The following GLRA2 variants were observed in gnomAD, a reference collection of about 807,000 sequenced individuals.
GLRA2 encodes glycine receptor alpha 2, also known as glycine receptor subunit alpha-2.
A neutral mutation model predicts 31.6 loss-of-function variants in GLRA2; 11 were observed. The observed-to-expected ratio is 0.35, with a 90% CI of 0.22 to 0.58. GLRA2 has a LOEUF of 0.58. GLRA2 is among the 20% of genes least tolerant of loss of function. The pLI is 0.84. For missense variants in GLRA2, 212 were observed against 351.8 expected, an observed-to-expected ratio of 0.60 and a Z score of 3.18; for synonymous variants, 132 against 134.0, an observed-to-expected ratio of 0.99 and a Z score of 0.10.
intron 8 of GLRA2, among the ~76,000 whole-genome samples, chrX:14,691,497 C>T (rs897536589): frequency 9.0e-6 from 1 of 111,613 alleles, no homozygotes; most frequent in African/African-American, 3.3e-5. Context: ...TTACACTGTC[C>T]AGAGACTTCA....
At chrX:14,493,658 C>CATATATAT in the GLRA2 span, among the ~76,000 whole-genome samples, 1 of 94,374 alleles carries the variant, frequency 1.1e-5, no homozygotes. Flanking sequence ...TACATATGTA[C>CATATATAT]ACATATATAT....
chrX:14,567,197 G>A (rs1214668553), intron 2 of GLRA2, among the ~76,000 whole-genome samples: 1 of 111,404 alleles, frequency 9.0e-6, no homozygotes, highest in Non-Finnish European at 1.9e-5. Flanking sequence ...AAAAATCCTT[G>A]ACAAAATATT....
upstream of GLRA2, among the ~76,000 whole-genome samples, chrX:14,525,131 TTATTTTTTATATC>T (rs2146992901): frequency 8.9e-6 from 1 of 111,758 alleles, no homozygotes; most frequent in South Asian, 3.7e-4. Context: ...AAAAGTGTTT[TTATTTTTTATATC>T]TATTTTTTAA....
intron 2 of GLRA2, among the ~76,000 whole-genome samples, chrX:14,545,392 C>T (rs2089464958): frequency 9.0e-6 from 1 of 111,026 alleles, no homozygotes; most frequent in African/African-American, 3.3e-5. Flanking sequence ...AGAACTAACC[C>T]ACTCCTATGA....
At chrX:14,576,302 G>A (rs2051769) in intron 3 of GLRA2, among the ~76,000 whole-genome samples, 21,054 of 110,487 alleles carry the variant, frequency 0.19, 1,959 homozygotes, top group Non-Finnish European at 0.29. Flanking sequence ...GACAGGATGT[G>A]GTGCATTTAA....
intron 7 of GLRA2, among the ~76,000 whole-genome samples, chrX:14,613,711 A>G (rs1423753630): frequency 9.0e-6 from 1 of 111,194 alleles, no homozygotes; most frequent in African/African-American, 3.3e-5. Context: ...AACTATGTAC[A>G]TATGCACAAA....
At chrX:14,480,547 G>T in the GLRA2 span, among the ~76,000 whole-genome samples, 1 of 111,862 alleles carries the variant, frequency 8.9e-6, no homozygotes, top group Non-Finnish European at 1.9e-5. Flanking sequence ...TCTGGTGAAA[G>T]TAGGGGTCCT....
At chrX:14,504,540 C>G in the GLRA2 span, among the ~76,000 whole-genome samples, 1 of 111,619 alleles carries the variant, frequency 9.0e-6, no homozygotes, top group African/African-American at 3.3e-5. Flanking sequence ...GTCCACAAGG[C>G]TCTCCCCACA....
chrX:14,551,251 C>A (rs975768138), intron 2 of GLRA2, among the ~76,000 whole-genome samples: 2 of 111,611 alleles, frequency 1.8e-5, no homozygotes, highest in African/African-American at 6.5e-5. Context: ...TGTTATACAC[C>A]AAGCCTATAA....
intron 2 of GLRA2, among the ~76,000 whole-genome samples, chrX:14,556,993 G>A (rs1319798478): frequency 1.9e-5 from 2 of 107,820 alleles, no homozygotes; most frequent in Admixed American, 2.0e-4. Flanking sequence ...TTTGTAACAT[G>A]AAAATACACA....
the GLRA2 span, among the ~76,000 whole-genome samples, chrX:14,468,991 C>T: frequency 0.14 from 14,906 of 109,592 alleles, 1,006 homozygotes; most frequent in Non-Finnish European, 0.19. Flanking sequence ...TCATGTCCTT[C>T]GCCCACTTTT....
chrX:14,616,113 T>C (rs944386308), intron 7 of GLRA2, among the ~76,000 whole-genome samples: 36 of 111,485 alleles, frequency 3.2e-4, no homozygotes, highest in Admixed American at 2.0e-3. Flanking sequence ...CTCAGAAAAG[T>C]ATGAGGATGA....
At chrX:14,699,661 A>T (rs1245404302) in intron 8 of GLRA2, among the ~76,000 whole-genome samples, 2 of 111,727 alleles carry the variant, frequency 1.8e-5, no homozygotes, top group Middle Eastern at 4.6e-3. Flanking sequence ...AGAAGACCAG[A>T]ACTTATTCCT....
chrX:14,711,507 T>C (rs2091709514), intron 8 of GLRA2, among the ~76,000 whole-genome samples: 1 of 111,994 alleles, frequency 8.9e-6, no homozygotes, highest in Non-Finnish European at 1.9e-5. Context: ...AGAGCAGAAA[T>C]TGGAGAGAGC....
the GLRA2 span, among the ~76,000 whole-genome samples, chrX:14,509,786 CT>C: frequency 8.9e-6 from 1 of 112,313 alleles, no homozygotes; most frequent in Non-Finnish European, 1.9e-5. Flanking sequence ...GAATGAATTT[CT>C]TTGTCATCTT....
chrX:14,512,835 C>T, the GLRA2 span, among the ~76,000 whole-genome samples: 8 of 111,507 alleles, frequency 7.2e-5, no homozygotes, highest in Non-Finnish European at 1.5e-4. Flanking sequence ...AATGACCATA[C>T]TACCAAAAGC....
At chrX:14,474,404 A>C in the GLRA2 span, among the ~76,000 whole-genome samples, 1 of 111,561 alleles carries the variant, frequency 9.0e-6, no homozygotes, top group Non-Finnish European at 1.9e-5. Flanking sequence ...GGGTTTGAGT[A>C]GGGGCTGAAC....
intron 2 of GLRA2, among the ~76,000 whole-genome samples, chrX:14,571,053 G>A (rs910735348): frequency 9.0e-6 from 1 of 111,077 alleles, no homozygotes; most frequent in African/African-American, 3.3e-5. Flanking sequence ...AAGGGAAGGG[G>A]GGAGCAGGAA....
the GLRA2 span, among the ~76,000 whole-genome samples, chrX:14,491,189 TAAAC>T: frequency 1.8e-5 from 2 of 112,279 alleles, no homozygotes; most frequent in African/African-American, 6.5e-5. Flanking sequence ...ACATCAATAA[TAAAC>T]AATAAGCTTT....
Sources: allele counts gnomAD v4.1 joint callset (sites outside exome capture counted in the v4.1 genomes callset), GRCh38; gene constraint gnomAD v4.1.1; transcripts MANE v1.5; gene names NCBI Gene and HGNC (gene_info 2026-07-23, HGNC 2026-07-21).